The following FER1L6 variants were observed in gnomAD, a reference collection of about 807,000 sequenced individuals.
The protein encoded by FER1L6 is fer-1-like protein 6.
A neutral mutation model predicts 219.2 loss-of-function variants in FER1L6; 177 were observed. The ratio of observed to expected loss-of-function variants is 0.81; its 90% CI spans 0.71 to 0.91. The LOEUF is 0.91. Among genes scored for constraint, FER1L6 ranks in the 40% least tolerant of loss-of-function variants. The pLI is 0.00. For missense variants in FER1L6, 2,153 were observed against 2,259.9 expected (o/e 0.95, Z 0.96); for synonymous variants, 768 against 824.3 (o/e 0.93, Z 1.17).
intron 2 of FER1L6, among the ~76,000 whole-genome samples, chr8:123,959,873 T>A (rs907179558): frequency 2.0e-5 from 3 of 152,198 alleles, no homozygotes; most frequent in African/African-American, 4.8e-5. Context: ...ATACTGAAGT[T>A]CCATATCAAG....
chr8:123,895,950 T>G (rs1391545167), intron 1 of FER1L6, among the ~76,000 whole-genome samples: 1 of 152,178 alleles, frequency 6.6e-6, no homozygotes, highest in Non-Finnish European at 1.5e-5. Context: ...ATTGGCCTTA[T>G]TGATACCGGG....
rs7835106 is a variant in FER1L6, at chr8:124,082,411, C to T, written c.4344C>T (p.Phe1448=). ...GETKIDLENR[F]YSKHRAICGL... ...CCAAGATCGACCTGGAGAACCGCTT[C>T]TACAGCAAACACCGAGCCATCTGTG... is the stretch of plus-strand genomic sequence containing the variant. The change falls in exon 33 of 41, where the codon TTC becomes TTT. Residue 1448 remains phenylalanine (F), a synonymous_variant. Coordinates refer to ENST00000522917, the MANE Select transcript of FER1L6 (RefSeq NM_001039112.2). The T allele has an allele frequency of 4.3e-3, 6,929 of 1,614,052 alleles. 277 individuals carry two copies. The African/African-American group carries it at 0.082, about 19-fold the overall frequency.
chr8:124,026,489 C>T (rs6470212), intron 18 of FER1L6, among the ~76,000 whole-genome samples: 89,315 of 151,810 alleles, frequency 0.59, 26,812 homozygotes, highest in African/African-American at 0.67. Flanking sequence ...AGTATATAGA[C>T]GGAGGGGAGG....
At chr8:124,053,542 G>C (rs1168303277) in intron 22 of FER1L6, among the ~76,000 whole-genome samples, 1 of 152,180 alleles carries the variant, frequency 6.6e-6, no homozygotes, top group Non-Finnish European at 1.5e-5. Flanking sequence ...GTTACCAGCT[G>C]TTCTCAGTTT....
In FER1L6 at chr8:123,857,972, G is replaced by A. The variant is rs533268506; in HGVS notation, c.-8+5787G>A. On this transcript the variant is annotated intron_variant, in intron 1 of 40. Coordinates refer to ENST00000522917, the MANE Select transcript of FER1L6 (RefSeq NM_001039112.2). ...TTAGCATCTCACCTGTGAGTGAGGT[G>A]TCAGGTTCCCCTTCCTGCAGGCATC... Among the ~76,000 whole-genome samples the A allele has an allele frequency of 1.3e-5, 2 of 152,340 alleles. 1 individual carries two copies. The highest frequency in any genetic ancestry group is 4.1e-4 in the South Asian group (2 of 4,822).
rs1185960294 is a variant in FER1L6 at position 123,871,125 on chromosome 8, T to C, written c.-8+18940T>C. Among the ~76,000 whole-genome samples, 3 of 152,220 alleles carry C rather than the reference T, an allele frequency of 2.0e-5. No individual in the cohort carries two copies. In the East Asian group the frequency reaches 5.8e-4, roughly 29 times the overall value. ...AAAAGGAGAAGTCTATAATAATCCA[T>C]TTGGTAACGGATTAGAGTTGGTGAC... On this transcript the variant is annotated intron_variant, in intron 1 of 40. Transcript: ENST00000522917.
At chr8:123,899,798 T>C (rs779868408) in intron 1 of FER1L6, among the ~76,000 whole-genome samples, 1 of 152,132 alleles carries the variant, frequency 6.6e-6, no homozygotes, top group Non-Finnish European at 1.5e-5. Context: ...CAAAGATCAG[T>C]TGGCTGCAAG....
At chr8:124,035,051 T>G (rs557507404) in intron 18 of FER1L6, among the ~76,000 whole-genome samples, 2 of 152,226 alleles carry the variant, frequency 1.3e-5, no homozygotes, top group African/African-American at 4.8e-5. Flanking sequence ...ACAGTGCAGG[T>G]TTAAGCTTTA....
intron 1 of FER1L6, among the ~76,000 whole-genome samples, chr8:123,896,718 T>A (rs1812747609): frequency 6.6e-6 from 1 of 152,214 alleles, no homozygotes; most frequent in Non-Finnish European, 1.5e-5. Context: ...ACATAAACCA[T>A]GTCTGTGGTT....
intron 19 of FER1L6, 138 bp downstream of exon 19, chr8:124,035,592 G>GTTCTACC (rs1819163985): frequency 7.8e-6 from 6 of 774,114 alleles, no homozygotes; most frequent in Non-Finnish European, 1.2e-5. Context: ...GTAAAGTACA[G>GTTCTACC]TTTCTAAGTG....
intron 1 of FER1L6, among the ~76,000 whole-genome samples, chr8:123,857,909 A>G (rs141362070): frequency 8.5e-5 from 13 of 152,286 alleles, no homozygotes; most frequent in African/African-American, 2.9e-4. Context: ...AAACTCTCCA[A>G]AAGCTGAACA....
intron 18 of FER1L6, among the ~76,000 whole-genome samples, chr8:124,032,335 G>C (rs1819006125): frequency 6.6e-6 from 1 of 152,126 alleles, no homozygotes; most frequent in Non-Finnish European, 1.5e-5. Context: ...TGAGGCATGA[G>C]AATTACTTGA....
At chr8:124,108,197 T>C (rs1472546348) in intron 39 of FER1L6, among the ~76,000 whole-genome samples, 1 of 151,978 alleles carries the variant, frequency 6.6e-6, no homozygotes, top group African/African-American at 2.4e-5. Flanking sequence ...TTGTTTATAA[T>C]AACAACAAAT....
chr8:124,041,482 G>A (rs1387153490), intron 20 of FER1L6, among the ~76,000 whole-genome samples: 11 of 152,162 alleles, frequency 7.2e-5, no homozygotes, highest in Admixed American at 2.6e-4. Context: ...AGTGCCTGTC[G>A]GGTGCTGGCT....
intron 10 of FER1L6, among the ~76,000 whole-genome samples, chr8:123,979,158 A>G (rs1816216234): frequency 6.6e-6 from 1 of 152,232 alleles, no homozygotes; most frequent in Non-Finnish European, 1.5e-5. Context: ...ACATGGAAAC[A>G]TCTAATTGTC....
intron 37 of FER1L6, 39 bp from the exon 38 acceptor site, chr8:124,101,058 G>A: frequency 6.3e-7 from 1 of 1,598,152 alleles, no homozygotes; most frequent in Non-Finnish European, 8.6e-7. Context: ...CCTGGAGAAT[G>A]TACTCTGAGT....
chr8:123,865,140 G>A (rs1816810432), intron 1 of FER1L6, among the ~76,000 whole-genome samples: 1 of 149,014 alleles, frequency 6.7e-6, no homozygotes, highest in Non-Finnish European at 1.5e-5. Flanking sequence ...TGATGATGGT[G>A]ATGTACAGAT....
At chr8:123,908,026 T>C (rs1426902916) in intron 1 of FER1L6, among the ~76,000 whole-genome samples, 1 of 152,122 alleles carries the variant, frequency 6.6e-6, no homozygotes, top group South Asian at 2.1e-4. Context: ...TGAGAACAAA[T>C]GTATTTCTTT....
At chr8:123,886,350 G>C (rs946260763) in intron 1 of FER1L6, among the ~76,000 whole-genome samples, 51 of 152,238 alleles carry the variant, frequency 3.4e-4, no homozygotes, top group African/African-American at 1.2e-3. Flanking sequence ...TTCTCCCCGG[G>C]GTTGAGTGAA....
Sources: allele counts gnomAD v4.1 joint callset (sites outside exome capture counted in the v4.1 genomes callset), GRCh38; gene constraint gnomAD v4.1.1; transcripts MANE v1.5; gene names NCBI Gene and HGNC (gene_info 2026-07-23, HGNC 2026-07-21).